LGMN: variants seen among roughly 807,000 people sequenced by gnomAD.
LGMN encodes the protein asparaginyl endopeptidase.
A neutral mutation model predicts 56.8 loss-of-function variants in LGMN; 36 were observed. The observed-to-expected ratio is 0.63, with a 90% CI of 0.49 to 0.84. The LOEUF is 0.84. Among genes scored for constraint, LGMN ranks in the 40% least tolerant of loss-of-function variants. LGMN has a pLI of 0.00. For synonymous variants in LGMN, 199 were observed against 210.1 expected (o/e 0.95, Z 0.46); for missense variants, 446 against 556.1 (o/e 0.80, Z 1.99).
chr14:92,732,669 A>C lies in LGMN; in HGVS notation c.118T>G (p.Trp40Gly). Residue 40 changes from tryptophan to glycine, a missense_variant, in exon 2 of 14, where the codon TGG becomes GGG. Physicochemically the swap from Trp to Gly is radical, Grantham distance 184. Coordinates refer to ENST00000334869, the MANE Select transcript of LGMN (RefSeq NM_005606.7). Reference sequence around the variant, plus strand: ...CTTACCTGGTGCCTATAATTATACCAGCCATTTGAACCTGCCACGATCACC... The same window carrying C: ...CTTACCTGGTGCCTATAATTATACCCGCCATTTGAACCTGCCACGATCACC... ...WVVIVAGSNG[W>G]YNYRHQADAC... is the part of the protein sequence containing the mutation. 6.2e-7 allele frequency: 1 copy of C among 1,614,102 alleles called. No individual in the cohort carries two copies. Among genetic ancestry groups the C allele is most frequent in the Non-Finnish European group, 8.5e-7 (1 of 1,180,008 alleles).
At chr14:92,704,916 T>C (rs1391617036) in intron 12 of LGMN, 1 of 521,148 alleles carries the variant, frequency 1.9e-6, no homozygotes, top group South Asian at 2.1e-5. Flanking sequence ...GCATGCAAGT[T>C]GGGGGGCTGG....
rs140134556 is a variant in LGMN, at chr14:92,731,818, C to T, written c.138+831G>A. 4.1e-3 allele frequency among the ~76,000 whole-genome samples: 631 copies of T among 152,298 alleles called. 3 individuals carry two copies. Among genetic ancestry groups the T allele is most frequent in the Middle Eastern group, 0.01 (3 of 294 alleles). On this transcript the variant is annotated intron_variant, in intron 2 of 13. Coordinates refer to ENST00000334869, the MANE Select transcript of LGMN (RefSeq NM_005606.7). Reference sequence around the variant, plus strand: ...CCTCTCTTAAGGACATACTTAGGAGCGGAATTGCTGGGTCATATGTTCAAT... The same window carrying T: ...CCTCTCTTAAGGACATACTTAGGAGTGGAATTGCTGGGTCATATGTTCAAT...
chr14:92,711,962 G>T lies in LGMN; in HGVS notation c.611-7C>A. On this transcript the variant is annotated splice_region_variant and splice_polypyrimidine_tract_variant and intron_variant, in intron 8 of 13. Transcript: ENST00000334869. Reference sequence around the variant, plus strand: ...GCAGCAGTAGTTGCATAAACTACGAGGAATTAAAGATGATCTTTTAGTTGC... The same window carrying T: ...GCAGCAGTAGTTGCATAAACTACGATGAATTAAAGATGATCTTTTAGTTGC... 3 of 1,581,366 alleles carry T rather than the reference G, an allele frequency of 1.9e-6. No homozygotes were observed. The highest frequency in any genetic ancestry group is 2.6e-6 in the Non-Finnish European group (3 of 1,150,242).
chr14:92,714,559 G>T lies in LGMN; in HGVS notation c.405-108C>A. The T allele has an allele frequency of 1.3e-6, 1 of 764,622 alleles. No individual in the cohort carries two copies. Among genetic ancestry groups the T allele is most frequent in the Non-Finnish European group, 2.2e-6 (1 of 464,344 alleles). The allele number at this position is 764,622 out of a possible 1,614,324, so 47.4% of individuals were successfully genotyped here. A position where few individuals can be genotyped will look rare whatever the true frequency, so the allele number is the denominator to read the frequency against. ...ATTAAGAAGTTTGGGGAGTAGAGTT[G>T]CCCAACCAGGTTTGAAGATGAACAC... On this transcript the variant is annotated intron_variant, in intron 5 of 13. Transcript: ENST00000334869. The surrounding 1 kb of genome is among the most constrained non-coding windows in gnomAD (Gnocchi z 5.1).
Position 92,704,096 on chromosome 14 carries a change from CA to C in LGMN, c.*222del, listed in dbSNP as rs1255091851. ...AAAGCAAATATGACCCTTCTCAATA[CA>C]GAGCTTTTCCCACCCTAATTTGTAG... On this transcript the variant is annotated 3_prime_UTR_variant, in exon 14 of 14. Transcript: ENST00000334869. 1.4e-6 allele frequency: 1 copy of C among 708,210 alleles called. No individual in the cohort carries two copies. The highest frequency in any genetic ancestry group is 2.6e-6 in the Non-Finnish European group (1 of 390,138). 43.9% of individuals were successfully genotyped at this position (708,210 alleles called of 1,614,324 possible).
At chr14:92,727,998 C>T (rs2098984685) in intron 2 of LGMN, among the ~76,000 whole-genome samples, 1 of 152,206 alleles carries the variant, frequency 6.6e-6, no homozygotes, top group Non-Finnish European at 1.5e-5. Flanking sequence ...AATGCAATGC[C>T]AGCAACACTG....
chr14:92,737,937 A>G (rs1056687392), intron 1 of LGMN, among the ~76,000 whole-genome samples: 1 of 152,214 alleles, frequency 6.6e-6, no homozygotes, highest in Non-Finnish European at 1.5e-5. Flanking sequence ...GTCATCTTTT[A>G]TCAGCAATAA....
chr14:92,741,401 A>T (rs1891550269), intron 1 of LGMN: 1 of 152,188 alleles, frequency 6.6e-6, no homozygotes, highest in African/African-American at 2.4e-5. Context: ...AACCACCATC[A>T]GGAGTGACCC....
At position 92,744,830 on chromosome 14, in the gene LGMN, G is replaced by T. The variant is rs189991737; in HGVS notation, c.-30+3659C>A. Among the ~76,000 whole-genome samples the T allele has an allele frequency of 4.9e-4, 75 of 152,264 alleles. No individual in the cohort carries two copies. In the East Asian group the frequency reaches 0.014, roughly 29 times the overall value. On this transcript the variant is annotated intron_variant, in intron 1 of 13. Coordinates refer to ENST00000334869, the MANE Select transcript of LGMN (RefSeq NM_005606.7). ...GCTGGTCTTGAACTCCTGACCTCAG[G>T]TGATCCGCCCGGCTCAGCCTCCCAA...
At chr14:92,708,855 T>TCAAAAAAAAAAA (rs1889580408) in intron 11 of LGMN, among the ~76,000 whole-genome samples, 1 of 25,926 alleles carries the variant, frequency 3.9e-5, no homozygotes, top group Non-Finnish European at 7.3e-5. Context: ...GACTCTTGTC[T>TCAAAAAAAAAAA]CAAAAAAAAA....
At chr14:92,718,309 C>A (rs1890173323) in intron 3 of LGMN, among the ~76,000 whole-genome samples, 1 of 152,092 alleles carries the variant, frequency 6.6e-6, no homozygotes, top group African/African-American at 2.4e-5. Context: ...CATGGTGGCT[C>A]ACATCTGTAA....
intron 2 of LGMN, among the ~76,000 whole-genome samples, chr14:92,719,263 A>ACCGCCGCCACCGCCG (rs1890286862): frequency 1.5e-5 from 1 of 65,118 alleles, no homozygotes; most frequent in Non-Finnish European, 2.9e-5. Flanking sequence ...CACCACCGCC[A>ACCGCCGCCACCGCCG]CCGCCGCCGC....
intron 1 of LGMN, among the ~76,000 whole-genome samples, chr14:92,739,017 CA>C (rs771147697): frequency 0.012 from 895 of 72,640 alleles, 9 homozygotes; most frequent in African/African-American, 0.038. Flanking sequence ...GACTCTGTCT[CA>C]AAAAAAAAAA....
rs370406884 is a variant in LGMN at position 92,704,723 on chromosome 14, C to T, written c.1192-16G>A. On this transcript the variant is annotated splice_polypyrimidine_tract_variant and intron_variant, in intron 12 of 13. Transcript: ENST00000334869. Reference sequence around the variant, plus strand: ...CATACTCGTACTGGGAGAAAACAAACGAGAAGAATGAAACTTCCTCATCTC... The same window carrying T: ...CATACTCGTACTGGGAGAAAACAAATGAGAAGAATGAAACTTCCTCATCTC... 61 of 1,606,914 alleles carry T rather than the reference C, an allele frequency of 3.8e-5. No homozygotes were observed. The highest frequency in any genetic ancestry group is 1.6e-4 in the Middle Eastern group (1 of 6,066).
intron 2 of LGMN, among the ~76,000 whole-genome samples, chr14:92,719,339 T>TCACCGCCACCACCAC (rs1890328952): frequency 1.5e-5 from 1 of 66,568 alleles, no homozygotes; most frequent in Non-Finnish European, 2.9e-5. Flanking sequence ...GCCACCGCCA[T>TCACCGCCACCACCAC]CACCGCCACC....
At chr14:92,745,964 G>T (rs1321607930) in intron 1 of LGMN, among the ~76,000 whole-genome samples, 2 of 152,042 alleles carry the variant, frequency 1.3e-5, no homozygotes, top group African/African-American at 4.8e-5. Context: ...TGGGATTACA[G>T]GCACGTGCCA....
intron 8 of LGMN, among the ~76,000 whole-genome samples, chr14:92,712,435 T>C (rs8177526): frequency 0.32 from 49,115 of 152,080 alleles, 9,249 homozygotes; most frequent in Admixed American, 0.45. Flanking sequence ...ACACACACTA[T>C]CTTTATCCCC....
intron 1 of LGMN, among the ~76,000 whole-genome samples, chr14:92,743,694 G>A (rs922896200): frequency 6.6e-6 from 1 of 151,936 alleles, no homozygotes; most frequent in Admixed American, 6.6e-5. Flanking sequence ...CCAGCTACTC[G>A]GGAGGCTGAG....
rs150474437 is a variant in LGMN, at chr14:92,736,400, G to A, written c.-29-3585C>T. ...CACTTGAGGTCTGGACTTCAAGACC[G>A]GCCTGGGCAACAAGGTGAAACCCTG... On this transcript the variant is annotated intron_variant, in intron 1 of 13. Transcript: ENST00000334869. 6.2e-4 allele frequency among the ~76,000 whole-genome samples: 94 copies of A among 152,166 alleles called. 1 individual carries two copies. In the East Asian group the frequency reaches 0.012, roughly 20 times the overall value.
Sources: allele counts gnomAD v4.1 joint callset (sites outside exome capture counted in the v4.1 genomes callset), GRCh38; gene constraint gnomAD v4.1.1; non-coding constraint Gnocchi (gnomAD v3.1); transcripts MANE v1.5; gene names NCBI Gene and HGNC (gene_info 2026-07-23, HGNC 2026-07-21).